Variants in OSBPL6 observed in about 807,000 individuals in gnomAD.
The protein encoded by OSBPL6 is oxysterol-binding protein-related protein 6.
OSBPL6 carries 49 observed loss-of-function variants against 125.8 expected under a neutral mutation model. That is an observed-to-expected ratio of 0.39 (90% CI 0.31 to 0.49). The LOEUF is 0.49. OSBPL6 is among the 20% of genes least tolerant of loss of function. OSBPL6 has a pLI of 0.88. For synonymous variants in OSBPL6, 394 were observed against 391.8 expected, an observed-to-expected ratio of 1.01 and a Z score of -0.07; for missense variants, 986 against 1,135.4, an observed-to-expected ratio of 0.87 and a Z score of 1.89.
At chr2:178,327,296 T>C (rs189932926) in intron 4 of OSBPL6, among the ~76,000 whole-genome samples, 107 of 152,308 alleles carry the variant, frequency 7.0e-4, no homozygotes, top group Admixed American at 5.6e-3. Context: ...CAGAATATTC[T>C]TCATCATCCA....
intron 15 of OSBPL6, among the ~76,000 whole-genome samples, chr2:178,374,391 C>A (rs1054425275): frequency 6.6e-6 from 1 of 152,126 alleles, no homozygotes; most frequent in Non-Finnish European, 1.5e-5. Context: ...AGGAAAGCAC[C>A]GTTCATGCGC....
intron 1 of OSBPL6, among the ~76,000 whole-genome samples, chr2:178,266,085 C>A (rs897205814): frequency 2.6e-5 from 4 of 152,010 alleles, no homozygotes; most frequent in Admixed American, 6.6e-5. Context: ...AAGTGTTTTT[C>A]GGGCCAAGGA....
At position 178,379,269 on chromosome 2, in the gene OSBPL6, G is replaced by GAA. The variant is rs1559314350; in HGVS notation, c.1534-3150_1534-3149insAA. Among the ~76,000 whole-genome samples, 218 of 137,036 alleles carry GAA rather than the reference G, an allele frequency of 1.6e-3. 1 individual carries two copies. The highest frequency in any genetic ancestry group is 5.5e-3 in the African/African-American group (205 of 37,408). The allele number at this position is 137,036 out of a possible 152,430, so 89.9% of individuals were successfully genotyped here. On this transcript the variant is annotated intron_variant, in intron 15 of 24. Coordinates refer to ENST00000190611, the MANE Select transcript of OSBPL6 (RefSeq NM_032523.4). ...AGAGAGAGAAAGAAAAACAAAGAAA[G>GAA]AGAAAGAAAGAAAGAAAAGAAAGAA...
At chr2:178,327,346 C>T (rs956888906) in intron 4 of OSBPL6, among the ~76,000 whole-genome samples, 2 of 152,102 alleles carry the variant, frequency 1.3e-5, no homozygotes, top group African/African-American at 4.8e-5. Context: ...ACACAAACTT[C>T]CAAATCTAGC....
At chr2:178,214,022 A>G (rs2089981900) in intron 1 of OSBPL6, among the ~76,000 whole-genome samples, 1 of 152,132 alleles carries the variant, frequency 6.6e-6, no homozygotes, top group South Asian at 2.1e-4. Context: ...TAATTAATCA[A>G]GTATTTGTAT....
intron 1 of OSBPL6, among the ~76,000 whole-genome samples, chr2:178,220,088 C>T (rs2090272272): frequency 6.6e-6 from 1 of 152,172 alleles, no homozygotes; most frequent in African/African-American, 2.4e-5. Context: ...TCTGTTCCCC[C>T]ATAGCTCAAA....
chr2:178,391,131 G>A lies in OSBPL6; in HGVS notation c.2360G>A (p.Gly787Glu), dbSNP rs141909178. 167 of 1,613,824 alleles carry A rather than the reference G, an allele frequency of 1.0e-4. No individual in the cohort carries two copies. Among genetic ancestry groups the A allele is most frequent in the Non-Finnish European group, 1.0e-4 (120 of 1,179,944 alleles). ...CAGGGGGTGGTGATAGATCAGGAGG[G>A]GAAGGCGGTGTACCGGCTGTTTGGA... is the stretch of plus-strand genomic sequence containing the variant. ...EVQGVVIDQE[G>E]KAVYRLFGKW... The change falls in exon 22 of 25, where the codon GGG becomes GAG. Residue 787 changes from glycine to glutamate, a missense_variant. Gly to Glu is a moderately conservative substitution (Grantham distance 98, BLOSUM62 -2). Coordinates refer to ENST00000190611, the MANE Select transcript of OSBPL6 (RefSeq NM_032523.4).
chr2:178,288,628 T>C (rs571256962), intron 2 of OSBPL6, among the ~76,000 whole-genome samples: 1 of 151,606 alleles, frequency 6.6e-6, no homozygotes, highest in African/African-American at 2.4e-5. Context: ...ATATAAATAG[T>C]AGGGAAAAGG....
rs554437016 is a variant in OSBPL6, at chr2:178,224,154, C to A, written c.-351+29480C>A. On this transcript the variant is annotated intron_variant, in intron 1 of 24. Coordinates refer to ENST00000190611, the MANE Select transcript of OSBPL6 (RefSeq NM_032523.4). ...GGATGCCATGATCTCACAATGAACC[C>A]GGGAAGGGAGACAATAAAGGAAAGG... 2.6e-5 allele frequency among the ~76,000 whole-genome samples: 4 copies of A among 151,790 alleles called. No individual in the cohort carries two copies. In the East Asian group the frequency reaches 7.7e-4, roughly 29 times the overall value.
intron 4 of OSBPL6, among the ~76,000 whole-genome samples, chr2:178,326,438 C>A (rs1336203478): frequency 6.6e-6 from 1 of 152,090 alleles, no homozygotes; most frequent in African/African-American, 2.4e-5. Flanking sequence ...GCTTTTAGCT[C>A]TGTTATAAGT....
At position 178,284,777 on chromosome 2, in the gene OSBPL6, A is replaced by G. The variant is rs141814036; in HGVS notation, c.-350-150A>G. On this transcript the variant is annotated intron_variant, in intron 1 of 24. Coordinates refer to ENST00000190611, the MANE Select transcript of OSBPL6 (RefSeq NM_032523.4). The stretch of plus-strand genomic sequence containing the variant: ...GAGGTTACATAAAACTGAACAAAGG[A>G]GATAAAAAGCTGAGGCATGTACCCA... 282 of 352,588 alleles carry G rather than the reference A, an allele frequency of 8.0e-4. 1 individual carries two copies. Among genetic ancestry groups the G allele is most frequent in the African/African-American group, 4.7e-3 (225 of 47,688 alleles). The allele number at this position is 352,588 out of a possible 1,614,324, so 21.8% of individuals were successfully genotyped here.
intron 1 of OSBPL6, among the ~76,000 whole-genome samples, chr2:178,212,583 G>A (rs1055445654): frequency 2.6e-5 from 4 of 152,182 alleles, no homozygotes; most frequent in Admixed American, 6.5e-5. Context: ...CCCAAAGACC[G>A]AATAACTATT....
intron 15 of OSBPL6, among the ~76,000 whole-genome samples, chr2:178,375,482 G>A (rs1351203572): frequency 6.6e-6 from 1 of 152,084 alleles, no homozygotes; most frequent in Non-Finnish European, 1.5e-5. Flanking sequence ...GAGGGCAGTG[G>A]CGCAATCTTG....
intron 2 of OSBPL6, among the ~76,000 whole-genome samples, chr2:178,289,624 C>T (rs1451757531): frequency 6.6e-6 from 1 of 152,172 alleles, no homozygotes; most frequent in African/African-American, 2.4e-5. Flanking sequence ...CTGATTGTCT[C>T]AAAATTCTCT....
At chr2:178,350,609 G>A (rs1388752631) in intron 12 of OSBPL6, among the ~76,000 whole-genome samples, 1 of 152,124 alleles carries the variant, frequency 6.6e-6, no homozygotes, top group African/African-American at 2.4e-5. Flanking sequence ...TTTCTCAATT[G>A]AGACTCTTCT....
At chr2:178,325,810 AAGG>A (rs1234475732) in intron 4 of OSBPL6, among the ~76,000 whole-genome samples, 1 of 152,182 alleles carries the variant, frequency 6.6e-6, no homozygotes, top group Non-Finnish European at 1.5e-5. Context: ...TTCTTCCTAG[AAGG>A]AGGTGGCTGT....
chr2:178,361,951 C>A, intron 13 of OSBPL6, 136 bp downstream of exon 13: 1 of 1,076,500 alleles, frequency 9.3e-7, no homozygotes, highest in Non-Finnish European at 1.3e-6. Context: ...CCCCAAAAGA[C>A]TGCAGTGTCA....
At chr2:178,259,922 T>G (rs991405856) in intron 1 of OSBPL6, among the ~76,000 whole-genome samples, 2 of 152,194 alleles carry the variant, frequency 1.3e-5, no homozygotes, top group African/African-American at 4.8e-5. Context: ...TCTGTTTCCC[T>G]ATGTGAAACT....
At chr2:178,340,809 G>A (rs1416362070) in intron 11 of OSBPL6, among the ~76,000 whole-genome samples, 2 of 151,934 alleles carry the variant, frequency 1.3e-5, no homozygotes, top group African/African-American at 4.8e-5. Flanking sequence ...TTCATATTAC[G>A]ATTCTGACTG....
Sources: gnomAD v4.1 joint callset for allele counts (sites outside exome capture counted in the v4.1 genomes callset) on GRCh38, gnomAD v4.1.1 for gene constraint, MANE v1.5 for transcripts, NCBI Gene and HGNC (gene_info 2026-07-23, HGNC 2026-07-21) for gene names.